SENP8: variants seen among roughly 807,000 people sequenced by gnomAD.
SENP8 encodes SUMO peptidase family member, NEDD8 specific, also known as sentrin-specific protease 8.
A neutral mutation model predicts 14.4 loss-of-function variants in SENP8; 10 were observed. The observed-to-expected ratio is 0.69, with a 90% CI of 0.43 to 1.18. SENP8 has a LOEUF of 1.18. Among genes scored for constraint, SENP8 ranks in the 50% most tolerant of loss-of-function variants. The pLI is 0.00. For missense variants in SENP8, 202 were observed against 249.4 expected, an observed-to-expected ratio of 0.81 and a Z score of 1.28; for synonymous variants, 94 against 95.5, an observed-to-expected ratio of 0.98 and a Z score of 0.09.
At chr15:72,120,729 C>T (rs767643433) in intron 1 of SENP8, among the ~76,000 whole-genome samples, 4 of 152,142 alleles carry the variant, frequency 2.6e-5, no homozygotes, top group Non-Finnish European at 4.4e-5. Context: ...AATCTGGCAG[C>T]AGGTCTAATT....
Position 72,138,135 on chromosome 15 carries a change from T to A in SENP8, c.-47-1442T>A, listed in dbSNP as rs1394378144. Among the ~76,000 whole-genome samples, 8 of 152,284 alleles carry A rather than the reference T, an allele frequency of 5.3e-5. No individual in the cohort carries two copies. The East Asian group carries it at 1.5e-3, about 29-fold the overall frequency. ...ATAATACAGTTAATGGTATGGTGTT[T>A]GGTAAAACATTAGCTATAATTTTAA... On this transcript the variant is annotated intron_variant, in intron 1 of 1. Coordinates refer to ENST00000340912, the MANE Select transcript of SENP8 (RefSeq NM_145204.4).
At chr15:72,131,074 A>C (rs976393736) in intron 1 of SENP8, among the ~76,000 whole-genome samples, 5 of 152,174 alleles carry the variant, frequency 3.3e-5, no homozygotes, top group African/African-American at 1.2e-4. Flanking sequence ...ATGGTGGTGC[A>C]TGCCTATAGT....
intron 1 of SENP8, among the ~76,000 whole-genome samples, chr15:72,131,883 A>G (rs1157318206): frequency 6.6e-6 from 1 of 152,196 alleles, no homozygotes; most frequent in Non-Finnish European, 1.5e-5. Flanking sequence ...CTTTATTTTC[A>G]AGAAATCTTT....
At chr15:72,127,512 G>T (rs2081232150) in intron 1 of SENP8, among the ~76,000 whole-genome samples, 1 of 152,164 alleles carries the variant, frequency 6.6e-6, no homozygotes. Flanking sequence ...CTGGGTCTTA[G>T]TGGGCAAGCA....
chr15:72,119,635 C>T (rs890358753), intron 1 of SENP8, among the ~76,000 whole-genome samples: 1 of 152,162 alleles, frequency 6.6e-6, no homozygotes, highest in Non-Finnish European at 1.5e-5. Context: ...GTAGTCCCAG[C>T]TACTCGGGAG....
intron 1 of SENP8, among the ~76,000 whole-genome samples, chr15:72,126,123 A>G (rs1330747458): frequency 6.6e-6 from 1 of 151,932 alleles, no homozygotes; most frequent in Non-Finnish European, 1.5e-5. Context: ...TTTTTTAACC[A>G]TGTAATCTCA....
chr15:72,130,448 C>T (rs2081261912), intron 1 of SENP8, among the ~76,000 whole-genome samples: 1 of 151,638 alleles, frequency 6.6e-6, no homozygotes, highest in African/African-American at 2.4e-5. Flanking sequence ...AACAAATGAA[C>T]ATGACTTAGT....
At chr15:72,117,817 G>A (rs1017101174), upstream of SENP8, 7 of 398,468 alleles carry the variant, frequency 1.8e-5, no homozygotes, top group Non-Finnish European at 2.7e-5. Flanking sequence ...GGGAGGGTGG[G>A]CCCAGCAGCC....
chr15:72,128,412 A>T (rs940927121), intron 1 of SENP8, among the ~76,000 whole-genome samples: 1 of 152,242 alleles, frequency 6.6e-6, no homozygotes, highest in Non-Finnish European at 1.5e-5. Flanking sequence ...GGTTTATGTC[A>T]TAAACACATC....
At position 72,138,165 on chromosome 15, in the gene SENP8, T is replaced by A. The variant is rs77925259; in HGVS notation, c.-47-1412T>A. ...AAACATTAGCTATAATTTTAATCTC[T>A]GTGCTTCAAGAGGATATTTAAAATT... On this transcript the variant is annotated intron_variant, in intron 1 of 1. Transcript: ENST00000340912. 1.5e-4 allele frequency among the ~76,000 whole-genome samples: 23 copies of A among 152,220 alleles called. No individual in the cohort carries two copies. The East Asian group carries it at 4.1e-3, about 27-fold the overall frequency.
At chr15:72,134,275 C>G (rs1454366590) in intron 1 of SENP8, among the ~76,000 whole-genome samples, 1 of 152,102 alleles carries the variant, frequency 6.6e-6, no homozygotes, top group Non-Finnish European at 1.5e-5. Context: ...TGATAAAGGT[C>G]ATATATTCTT....
At chr15:72,115,216 G>T (rs2080927893), upstream of SENP8, among the ~76,000 whole-genome samples, 2 of 152,080 alleles carry the variant, frequency 1.3e-5, 1 homozygote, top group South Asian at 4.1e-4. Context: ...TAAATGTTGG[G>T]TTTCCATCCT....
upstream of SENP8, chr15:72,117,634 G>A (rs1366508900): frequency 1.0e-5 from 4 of 395,090 alleles, no homozygotes; most frequent in Non-Finnish European, 1.8e-5. Flanking sequence ...CTGAGACGTG[G>A]GCCAGGACGG....
At chr15:72,114,853 C>CA (rs2080911046), upstream of SENP8, among the ~76,000 whole-genome samples, 1 of 152,014 alleles carries the variant, frequency 6.6e-6, no homozygotes, top group Non-Finnish European at 1.5e-5. Flanking sequence ...TTAACATAAC[C>CA]AAAAATCACT....
chr15:72,132,238 C>G (rs1377965098), intron 1 of SENP8, among the ~76,000 whole-genome samples: 2 of 152,002 alleles, frequency 1.3e-5, no homozygotes. Context: ...CCTTTCTTGC[C>G]CTTCCCCTAG....
At chr15:72,136,560 A>G (rs547322989) in intron 1 of SENP8, among the ~76,000 whole-genome samples, 4 of 152,246 alleles carry the variant, frequency 2.6e-5, no homozygotes, top group African/African-American at 7.2e-5. Flanking sequence ...ACATAAAACC[A>G]TGTTGGATGC....
At chr15:72,118,959 CAAAG>C (rs1214552701) in intron 1 of SENP8, among the ~76,000 whole-genome samples, 1 of 151,924 alleles carries the variant, frequency 6.6e-6, no homozygotes. Context: ...AGTACCTGGT[CAAAG>C]AAATACGAAA....
rs1304543717 is a variant in SENP8, at chr15:72,140,122, G to A, written c.499G>A (p.Val167Met). ...AAACAGCTATGACTGTGGGATGTACGTGATATGTAACACTGAGGCCTTGTG... is the reference window on the plus strand; with the variant it reads ...AAACAGCTATGACTGTGGGATGTACATGATATGTAACACTGAGGCCTTGTG... Reference protein sequence around the residue: ...QQNSYDCGMYVICNTEALCQN... With the variant: ...QQNSYDCGMYMICNTEALCQN... Residue 167 changes from valine to methionine, a missense_variant, in exon 2 of 2, where the codon GTG becomes ATG. Physicochemically the swap from Val to Met is conservative, Grantham distance 21 (BLOSUM62 1). Transcript: ENST00000340912. 3.7e-6 allele frequency: 6 copies of A among 1,614,164 alleles called. No individual in the cohort carries two copies. Among genetic ancestry groups the A allele is most frequent in the East Asian group, 2.2e-5 (1 of 44,890 alleles).
At chr15:72,132,766 C>T (rs2081287363) in intron 1 of SENP8, among the ~76,000 whole-genome samples, 1 of 151,466 alleles carries the variant, frequency 6.6e-6, no homozygotes, top group Non-Finnish European at 1.5e-5. Flanking sequence ...CTACCCTCCT[C>T]TGATCACTTA....
Sources: allele counts gnomAD v4.1 joint callset (sites outside exome capture counted in the v4.1 genomes callset), GRCh38; gene constraint gnomAD v4.1.1; transcripts MANE v1.5; gene names NCBI Gene and HGNC (gene_info 2026-07-23, HGNC 2026-07-21).